Variants in TCP10L observed in about 807,000 individuals in gnomAD.
The protein encoded by TCP10L is T-complex protein 10A homolog 1.
In TCP10L, 11 loss-of-function variants were observed where a neutral mutation model predicts 19.2. That is an observed-to-expected ratio of 0.57 (90% CI 0.36 to 0.95). The LOEUF (loss-of-function observed/expected upper bound fraction) is 0.95. Among genes scored for constraint, TCP10L ranks in the 40% least tolerant of loss-of-function variants. The pLI, the probability that TCP10L is intolerant of heterozygous loss-of-function variation, is 0.01. For missense variants in TCP10L, 247 were observed against 263.9 expected, an observed-to-expected ratio of 0.94 and a Z score of 0.44; for synonymous variants, 96 against 97.2, an observed-to-expected ratio of 0.99 and a Z score of 0.07.
chr21:32,580,231 G>C (rs112723527), intron 3 of TCP10L, among the ~76,000 whole-genome samples: 2 of 151,928 alleles, frequency 1.3e-5, no homozygotes, highest in South Asian at 4.2e-4. Flanking sequence ...TCAGCCTCCC[G>C]AGTAGCTGGG....
Position 32,582,092 on chromosome 21 carries a change from C to G in TCP10L, c.360+108G>C. The G allele has an allele frequency of 7.8e-7, 1 of 1,284,256 alleles. No individual in the cohort carries two copies. 79.6% of individuals were successfully genotyped at this position (1,284,256 alleles called of 1,614,324 possible). On this transcript the variant is annotated intron_variant, in intron 3 of 4. Coordinates refer to ENST00000300258, the MANE Select transcript of TCP10L (RefSeq NM_144659.7). The surrounding 1 kb of genome is among the most constrained non-coding windows in gnomAD (Gnocchi z 4.2). ...AAAGATAGCAACCCCTCCCACCACC[C>G]GGAGCGTGAGTGATACCGCGTCATT...
In TCP10L at chr21:32,575,312, G is replaced by A. The variant is rs1454253377; in HGVS notation, c.*1462C>T. The A allele has an allele frequency of 1.3e-5, 2 of 153,050 alleles. No individual in the cohort carries two copies. The highest frequency in any genetic ancestry group is 1.9e-4 in the East Asian group (1 of 5,212). The allele number at this position is 153,050 out of a possible 1,614,324, so 9.5% of individuals were successfully genotyped here. ...CTTCCCTGCCCCACAGAGAAGTGCA[G>A]AGGGGACTGTGAGGGCACGCAGAGC... On this transcript the variant is annotated 3_prime_UTR_variant, in exon 5 of 5. Coordinates refer to ENST00000300258, the MANE Select transcript of TCP10L (RefSeq NM_144659.7).
At chr21:32,580,622 A>G (rs188046205) in intron 3 of TCP10L, among the ~76,000 whole-genome samples, 8 of 152,250 alleles carry the variant, frequency 5.3e-5, no homozygotes, top group Admixed American at 1.3e-4. Context: ...TTCTTAATCC[A>G]CTAAGAAATA....
In TCP10L at chr21:32,582,247, T is replaced by C; in HGVS notation, c.313A>G (p.Lys105Glu). The C allele has an allele frequency of 6.2e-7, 1 of 1,614,178 alleles. No homozygotes were observed. Among genetic ancestry groups the C allele is most frequent in the Non-Finnish European group, 8.5e-7 (1 of 1,180,028 alleles). The change falls in exon 3 of 5, where the codon AAG (lysine) becomes GAG (glutamate). Residue 105 changes from lysine (K) to glutamate (E), a missense_variant. Physicochemically the swap from Lys to Glu is moderately conservative, Grantham distance 56 (BLOSUM62 1). Coordinates refer to ENST00000300258, the MANE Select transcript of TCP10L (RefSeq NM_144659.7). The surrounding 1 kb of genome is among the most constrained non-coding windows in gnomAD (Gnocchi z 4.2). Reference sequence around the variant, plus strand: ...GCGTGTGGGGACGCTGCAGATTTCTTCCTGGCTTTCCACCGCTGCAGCTGC... The same window carrying C: ...GCGTGTGGGGACGCTGCAGATTTCTCCCTGGCTTTCCACCGCTGCAGCTGC... ...ALQLQRWKAR[K>E]KSAASPHAGQ...
chr21:32,582,396 A>G lies in TCP10L; in HGVS notation c.164T>C (p.Ile55Thr). 1 of 1,613,040 alleles carries G rather than the reference A, an allele frequency of 6.2e-7. No individual in the cohort carries two copies. Among genetic ancestry groups the G allele is most frequent in the African/African-American group, 1.3e-5 (1 of 74,880 alleles). ...GEMPPLQQQI[I>T]RLHQELGRQK... ...TCTCCCAAGCTCTTGGTGGAGTCTGATGATCTGCTGCTGTAATGGCTGTTA... is the reference window on the plus strand; with the variant it reads ...TCTCCCAAGCTCTTGGTGGAGTCTGGTGATCTGCTGCTGTAATGGCTGTTA... The change falls in exon 3 of 5, where the codon ATC (isoleucine) becomes ACC (threonine). Residue 55 changes from isoleucine (I) to threonine (T), a missense_variant. Ile to Thr is a moderately conservative substitution (Grantham distance 89, BLOSUM62 -1). Coordinates refer to ENST00000300258, the MANE Select transcript of TCP10L (RefSeq NM_144659.7). The surrounding 1 kb of genome is among the most constrained non-coding windows in gnomAD (Gnocchi z 4.2).
Position 32,574,775 on chromosome 21 carries a change from G to A in TCP10L, c.*1999C>T, listed in dbSNP as rs1167232295. 6.2e-6 allele frequency: 1 copy of A among 161,958 alleles called. No individual in the cohort carries two copies. The highest frequency in any genetic ancestry group is 1.5e-5 in the Non-Finnish European group (1 of 68,110). 10.0% of individuals were successfully genotyped at this position (161,958 alleles called of 1,614,324 possible). A position where few individuals can be genotyped will look rare whatever the true frequency, so the allele number is the denominator to read the frequency against. On this transcript the variant is annotated 3_prime_UTR_variant, in exon 5 of 5. Coordinates refer to ENST00000300258, the MANE Select transcript of TCP10L (RefSeq NM_144659.7). Reference sequence around the variant, plus strand: ...TGCTAAATTCAATTTAAGCAAACGTGTGAACACATTCTTTCTTGTTCATGA... The same window carrying A: ...TGCTAAATTCAATTTAAGCAAACGTATGAACACATTCTTTCTTGTTCATGA...
Position 32,575,356 on chromosome 21 carries a change from G to A in TCP10L, c.*1418C>T, listed in dbSNP as rs1370936386. 6.5e-6 allele frequency: 1 copy of A among 153,228 alleles called. No homozygotes were observed. Among genetic ancestry groups the A allele is most frequent in the Non-Finnish European group, 1.5e-5 (1 of 68,580 alleles). 9.5% of individuals were successfully genotyped at this position (153,228 alleles called of 1,614,324 possible). On this transcript the variant is annotated 3_prime_UTR_variant, in exon 5 of 5. Coordinates refer to ENST00000300258, the MANE Select transcript of TCP10L (RefSeq NM_144659.7). Reference sequence around the variant, plus strand: ...GCAGAGCCTGAGGTGGTCTGAAGCAGACAGATGGCACCAGCCTCACCTCTA... The same window carrying A: ...GCAGAGCCTGAGGTGGTCTGAAGCAAACAGATGGCACCAGCCTCACCTCTA...
chr21:32,576,297 C>T lies in TCP10L; in HGVS notation c.*477G>A. 3 of 1,568,304 alleles carry T rather than the reference C, an allele frequency of 1.9e-6. No individual in the cohort carries two copies. The highest frequency in any genetic ancestry group is 2.3e-5 in the South Asian group (2 of 87,648). On this transcript the variant is annotated 3_prime_UTR_variant, in exon 5 of 5. Coordinates refer to ENST00000300258, the MANE Select transcript of TCP10L (RefSeq NM_144659.7). ...GTGATTTTCTGCCACTCAAGTTTTG[C>T]AGACTTCGGGAAGATGGATGCATAG...
chr21:32,581,218 T>C (rs2038490854), intron 3 of TCP10L, among the ~76,000 whole-genome samples: 1 of 152,094 alleles, frequency 6.6e-6, no homozygotes, highest in Non-Finnish European at 1.5e-5. Context: ...CTTGGGGTGG[T>C]CAGGGGAGAG....
chr21:32,583,537 C>A (rs948283819), intron 2 of TCP10L, among the ~76,000 whole-genome samples: 2 of 142,368 alleles, frequency 1.4e-5, no homozygotes, highest in African/African-American at 5.3e-5. Context: ...TGCAGTGAGC[C>A]GAGATCCCGC....
Position 32,582,169 on chromosome 21 carries a change from C to T in TCP10L, c.360+31G>A, listed in dbSNP as rs371422853. On this transcript the variant is annotated intron_variant, in intron 3 of 4. Coordinates refer to ENST00000300258, the MANE Select transcript of TCP10L (RefSeq NM_144659.7). The surrounding 1 kb of genome is among the most constrained non-coding windows in gnomAD (Gnocchi z 4.2). The stretch of plus-strand genomic sequence containing the variant: ...GGACGCTATTTTTACATAACGCAAA[C>T]GGTACAAAAACATAAATGCGCTTTT... 3.1e-4 allele frequency: 500 copies of T among 1,607,310 alleles called. 1 individual carries two copies. The highest frequency in any genetic ancestry group is 2.4e-4 in the Non-Finnish European group (284 of 1,175,876).
At position 32,574,409 on chromosome 21, in the gene TCP10L, A is replaced by G. The variant is rs2038408291; in HGVS notation, c.*2365T>C. Among the ~76,000 whole-genome samples the G allele has an allele frequency of 6.6e-6, 1 of 152,244 alleles. No homozygotes were observed. The highest frequency in any genetic ancestry group is 1.9e-4 in the East Asian group (1 of 5,206). On this transcript the variant is annotated 3_prime_UTR_variant, in exon 5 of 5. Transcript: ENST00000300258. Reference sequence around the variant, plus strand: ...TGAAAGGCTGAACCTCAGGAAATAAAGAGACATTTGGAATCATCTTAATTT... The same window carrying G: ...TGAAAGGCTGAACCTCAGGAAATAAGGAGACATTTGGAATCATCTTAATTT...
At chr21:32,580,635 C>G (rs1377890662) in intron 3 of TCP10L, among the ~76,000 whole-genome samples, 3 of 152,068 alleles carry the variant, frequency 2.0e-5, no homozygotes. Flanking sequence ...AAGAAATATC[C>G]CCACTTACGT....
At chr21:32,576,952 A>G in intron 4 of TCP10L, 29 bp from the exon 5 acceptor site, 1 of 1,592,108 alleles carries the variant, frequency 6.3e-7, no homozygotes, top group South Asian at 1.1e-5. Flanking sequence ...ATATTTTTGC[A>G]TTAGTAACAA....
chr21:32,581,370 T>A (rs1266996706), intron 3 of TCP10L, among the ~76,000 whole-genome samples: 3 of 152,162 alleles, frequency 2.0e-5, no homozygotes, highest in African/African-American at 4.8e-5. Flanking sequence ...GTGATCTGAT[T>A]TTTCAGGTAC....
intron 3 of TCP10L, among the ~76,000 whole-genome samples, chr21:32,580,153 T>C (rs2038476091): frequency 6.6e-6 from 1 of 152,150 alleles, no homozygotes. Context: ...TCCCCCAGGC[T>C]GGAGTGCAGT....
Position 32,576,594 on chromosome 21 carries a change from A to T in TCP10L, c.*180T>A. On this transcript the variant is annotated 3_prime_UTR_variant, in exon 5 of 5. Coordinates refer to ENST00000300258, the MANE Select transcript of TCP10L (RefSeq NM_144659.7). ...TGTTTGCTTTTATAGCATTAGAGAC[A>T]TGTCTGAAGAACTTCAAGTTTTTAT... 2.9e-6 allele frequency: 2 copies of T among 698,860 alleles called. No individual in the cohort carries two copies. The highest frequency in any genetic ancestry group is 2.7e-5 in the East Asian group (1 of 36,432). 43.3% of individuals were successfully genotyped at this position (698,860 alleles called of 1,614,324 possible).
intron 3 of TCP10L, among the ~76,000 whole-genome samples, chr21:32,579,118 A>G (rs2038465490): frequency 6.6e-6 from 1 of 152,242 alleles, no homozygotes; most frequent in African/African-American, 2.4e-5. Context: ...AATCCCCAAC[A>G]TATCTTCCTT....
chr21:32,576,233 T>C lies in TCP10L; in HGVS notation c.*541A>G. On this transcript the variant is annotated 3_prime_UTR_variant, in exon 5 of 5. Coordinates refer to ENST00000300258, the MANE Select transcript of TCP10L (RefSeq NM_144659.7). ...TCACCAGCTCCTCCGGCTGCTGCCA[T>C]CTGCTCCTGCAGCATGGCGGCCTGG... 4 of 1,543,318 alleles carry C rather than the reference T, an allele frequency of 2.6e-6. No individual in the cohort carries two copies. Among genetic ancestry groups the C allele is most frequent in the South Asian group, 2.3e-5 (2 of 86,114 alleles).
Sources: allele counts gnomAD v4.1 joint callset (sites outside exome capture counted in the v4.1 genomes callset), GRCh38; gene constraint gnomAD v4.1.1; non-coding constraint Gnocchi (gnomAD v3.1); transcripts MANE v1.5; gene names NCBI Gene and HGNC (gene_info 2026-07-23, HGNC 2026-07-21).